PPA2: variants seen among roughly 807,000 people sequenced by gnomAD.
The protein encoded by PPA2 is inorganic pyrophosphatase 2, mitochondrial.
In PPA2, 48 loss-of-function variants were observed where a neutral mutation model predicts 49.5. The ratio of observed to expected loss-of-function variants is 0.97; its 90% CI spans 0.77 to 1.23. The LOEUF (loss-of-function observed/expected upper bound fraction) is 1.23, where lower values mean the gene tolerates loss of function less well. Among genes scored for constraint, PPA2 ranks in the 50% most tolerant of loss-of-function variants. The probability of loss-of-function intolerance (pLI) is 0.00; values close to 1 mark genes in which losing one functional copy is unlikely to be tolerated. For synonymous variants in PPA2, 131 were observed against 139.9 expected, an observed-to-expected ratio of 0.94 and a Z score of 0.45; for missense variants, 429 against 410.1, an observed-to-expected ratio of 1.05 and a Z score of -0.40.
At chr4:105,446,244 C>T in intron 5 of PPA2, 139 bp downstream of exon 5, 1 of 856,526 alleles carries the variant, frequency 1.2e-6, no homozygotes, top group Non-Finnish European at 1.7e-6. Flanking sequence ...AAACTCCATC[C>T]ACGTTAATAA....
chr4:105,445,524 G>A (rs892754321), intron 5 of PPA2, among the ~76,000 whole-genome samples: 3 of 151,756 alleles, frequency 2.0e-5, no homozygotes, highest in Non-Finnish European at 2.9e-5. Context: ...TATTCTACAC[G>A]GGCAGCTGCT....
chr4:105,390,751 T>G (rs1733881230), intron 9 of PPA2, among the ~76,000 whole-genome samples: 1 of 152,190 alleles, frequency 6.6e-6, no homozygotes, highest in South Asian at 2.1e-4. Context: ...TGTAAATTAG[T>G]TCAACCATTG....
chr4:105,396,165 G>T, intron 9 of PPA2, 84 bp downstream of exon 9: 1 of 843,376 alleles, frequency 1.2e-6, no homozygotes, highest in South Asian at 2.2e-5. Flanking sequence ...TAAAAAAAAT[G>T]CAAAAATCTG....
Position 105,402,933 on chromosome 4 carries a change from G to GATGAGATGAAC in PPA2, c.656-3770_656-3769insGTTCATCTCAT, listed in dbSNP as rs1158490521. Among the ~76,000 whole-genome samples the GATGAGATGAAC allele has an allele frequency of 2.0e-5, 3 of 152,200 alleles. No homozygotes were observed. In the East Asian group the frequency reaches 5.8e-4, roughly 29 times the overall value. ...AAATTAACAATAATAAACCAGTAAA[G>GATGAGATGAAC]ATGAGATGTACATGAGATGTAAAAC... On this transcript the variant is annotated intron_variant, in intron 7 of 11. Coordinates refer to ENST00000341695, the MANE Select transcript of PPA2 (RefSeq NM_176869.3).
At chr4:105,420,387 C>T (rs1039705934) in intron 7 of PPA2, among the ~76,000 whole-genome samples, 2 of 152,056 alleles carry the variant, frequency 1.3e-5, no homozygotes, top group East Asian at 1.9e-4. Flanking sequence ...GTTACTGGTG[C>T]GAGCAACCAT....
chr4:105,443,547 TTTTC>T (rs1251083429), intron 5 of PPA2, among the ~76,000 whole-genome samples: 1 of 151,782 alleles, frequency 6.6e-6, no homozygotes, highest in African/African-American at 2.4e-5. Context: ...AATTTAGTTA[TTTTC>T]TTTGATAAAT....
chr4:105,421,759 C>T (rs1723262061), intron 7 of PPA2, among the ~76,000 whole-genome samples: 1 of 152,110 alleles, frequency 6.6e-6, no homozygotes, highest in Non-Finnish European at 1.5e-5. Context: ...AACTACCAAA[C>T]TTGCTGGGCA....
intron 6 of PPA2, among the ~76,000 whole-genome samples, chr4:105,431,703 A>G (rs1277698014): frequency 6.6e-6 from 1 of 152,244 alleles, no homozygotes. Flanking sequence ...TAATGAATGG[A>G]TAAGTAAAAG....
intron 6 of PPA2, among the ~76,000 whole-genome samples, chr4:105,428,619 G>A (rs1190939592): frequency 6.7e-6 from 1 of 150,354 alleles, no homozygotes; most frequent in Non-Finnish European, 1.5e-5. Flanking sequence ...GAGTTGAACA[G>A]TGAGAACACA....
At chr4:105,437,825 A>T (rs1041302469) in intron 6 of PPA2, 125 bp downstream of exon 6, 1 of 659,226 alleles carries the variant, frequency 1.5e-6, no homozygotes, top group Non-Finnish European at 2.5e-6. Context: ...AAAAGGAGGG[A>T]CTGATAACAG....
chr4:105,422,593 A>ACATATTGCTCAT, intron 7 of PPA2, among the ~76,000 whole-genome samples: 1 of 151,964 alleles, frequency 6.6e-6, no homozygotes, highest in Non-Finnish European at 1.5e-5. Flanking sequence ...TTGGTATAAT[A>ACATATTGCTCAT]TTATAGATGG....
chr4:105,373,070 C>T (rs2110358610), intron 10 of PPA2, among the ~76,000 whole-genome samples: 1 of 152,242 alleles, frequency 6.6e-6, no homozygotes, highest in African/African-American at 2.4e-5. Flanking sequence ...AACTTCTGGG[C>T]TCAAACTTTC....
chr4:105,449,451 T>G (rs770541219), intron 3 of PPA2, 48 bp from the exon 4 acceptor site: 1 of 1,294,514 alleles, frequency 7.7e-7, no homozygotes, highest in South Asian at 1.3e-5. Context: ...ATTTTACCTT[T>G]TATTTTTTCC....
Position 105,449,358 on chromosome 4 carries a change from T to C in PPA2, c.313A>G (p.Lys105Glu), listed in dbSNP as rs1578873443. 1.3e-6 allele frequency: 2 copies of C among 1,571,140 alleles called. No homozygotes were observed. The highest frequency in any genetic ancestry group is 8.7e-7 in the Non-Finnish European group (1 of 1,146,588). ...IVEIPRWTNA[K>E]MEIATKEPMN... The stretch of plus-strand genomic sequence containing the variant: ...ATAAAGTATATCGGTACCTCCATTT[T>C]AGCATTTGTCCACCGAGGTATTTCT... The change falls in exon 4 of 12, where the codon AAA (lysine) becomes GAA (glutamate). Residue 105 changes from lysine to glutamate, a missense_variant. By Grantham distance (56) the Lys-to-Glu change is moderately conservative (BLOSUM62 1). Coordinates refer to ENST00000341695, the MANE Select transcript of PPA2 (RefSeq NM_176869.3).
At chr4:105,453,779 A>T (rs1722763653) in intron 2 of PPA2, 137 bp from the exon 3 acceptor site, 1 of 548,964 alleles carries the variant, frequency 1.8e-6, no homozygotes, top group Non-Finnish European at 3.1e-6. Context: ...CAGAGAACCT[A>T]CCAAATGCCC....
chr4:105,371,015 T>G, intron 10 of PPA2, 142 bp from the exon 11 acceptor site: 1 of 698,408 alleles, frequency 1.4e-6, no homozygotes, highest in African/African-American at 1.9e-5. Context: ...ATATTCCCCT[T>G]TGCTTTTCAT....
chr4:105,401,190 C>T (rs17035558), intron 7 of PPA2, among the ~76,000 whole-genome samples: 32,393 of 151,870 alleles, frequency 0.21, 4,446 homozygotes, highest in African/African-American at 0.39. Flanking sequence ...TTGTTCCTCA[C>T]GAAATTCCTG....
intron 1 of PPA2, among the ~76,000 whole-genome samples, chr4:105,462,003 T>C (rs1379844441): frequency 6.6e-6 from 1 of 152,236 alleles, no homozygotes; most frequent in Non-Finnish European, 1.5e-5. Flanking sequence ...GTTGATATGC[T>C]ATTATGTTCC....
At chr4:105,435,420 T>A (rs975870201) in intron 6 of PPA2, among the ~76,000 whole-genome samples, 3 of 152,102 alleles carry the variant, frequency 2.0e-5, no homozygotes, top group African/African-American at 7.2e-5. Flanking sequence ...CTATGCAAGA[T>A]GAATATCACC....
Sources: gnomAD v4.1 joint callset for allele counts (sites outside exome capture counted in the v4.1 genomes callset) on GRCh38, gnomAD v4.1.1 for gene constraint, MANE v1.5 for transcripts, NCBI Gene and HGNC (gene_info 2026-07-23, HGNC 2026-07-21) for gene names.